The following CDH10 variants were observed in gnomAD, a reference collection of about 807,000 sequenced individuals.
CDH10 encodes the protein cadherin 10.
Under a neutral mutation model 73.1 loss-of-function variants are expected in CDH10, and 30 were observed. That is an observed-to-expected ratio of 0.41 (90% CI 0.31 to 0.56). The LOEUF is 0.56. CDH10 is among the 20% of genes least tolerant of loss of function. The pLI is 0.27. For missense variants in CDH10, 815 were observed against 973.7 expected (o/e 0.84, Z 2.17); for synonymous variants, 345 against 348.2 (o/e 0.99, Z 0.10).
chr5:24,636,452 A>G (rs1333056745), intron 1 of CDH10, among the ~76,000 whole-genome samples: 4 of 151,900 alleles, frequency 2.6e-5, no homozygotes, highest in Non-Finnish European at 4.4e-5. Context: ...ATTAAACATG[A>G]CCTTCCTCTG....
intron 1 of CDH10, among the ~76,000 whole-genome samples, chr5:24,605,253 G>A (rs1431643562): frequency 2.0e-5 from 3 of 152,182 alleles, no homozygotes; most frequent in Non-Finnish European, 4.4e-5. Context: ...TATAGTATAG[G>A]TCTATGACCT....
intron 3 of CDH10, 116 bp downstream of exon 3, chr5:24,537,264 G>A: frequency 1.5e-6 from 1 of 666,136 alleles, no homozygotes; most frequent in Non-Finnish European, 2.5e-6. Flanking sequence ...AAATAAATAT[G>A]TACTCATGGT....
At chr5:24,509,908 T>C in intron 6 of CDH10, 89 bp from the exon 7 acceptor site, 1 of 922,724 alleles carries the variant, frequency 1.1e-6, no homozygotes, top group Non-Finnish European at 1.7e-6. Flanking sequence ...TAAGTTGTGG[T>C]TGAGTTCTCT....
rs1259117191 is a variant in CDH10 at position 24,569,002 on chromosome 5, C to A, written c.231+24258G>T. On this transcript the variant is annotated intron_variant, in intron 2 of 11. Transcript: ENST00000264463. Reference sequence around the variant, plus strand: ...GCAGGCACCTGTAATCCCAGCTACTCGGGAGGCTCAGGCAGGAGAATGGCA... The same window carrying A: ...GCAGGCACCTGTAATCCCAGCTACTAGGGAGGCTCAGGCAGGAGAATGGCA... Among the ~76,000 whole-genome samples, 3 of 151,710 alleles carry A rather than the reference C, an allele frequency of 2.0e-5. No homozygotes were observed. In the South Asian group the frequency reaches 6.2e-4, roughly 32 times the overall value.
At chr5:24,590,285 A>AT (rs1006389260) in intron 2 of CDH10, among the ~76,000 whole-genome samples, 26 of 149,132 alleles carry the variant, frequency 1.7e-4, no homozygotes, top group Middle Eastern at 3.5e-3. Context: ...CCTCCTCTTA[A>AT]TTTTTTTTTT....
intron 5 of CDH10, 151 bp downstream of exon 5, chr5:24,534,961 T>G (rs769787385): frequency 3.0e-6 from 2 of 677,716 alleles, no homozygotes; most frequent in Non-Finnish European, 4.9e-6. Context: ...TTCATCAGCA[T>G]GTACACCTTT....
intron 2 of CDH10, among the ~76,000 whole-genome samples, chr5:24,561,410 C>G (rs1017026673): frequency 1.3e-5 from 2 of 152,000 alleles, no homozygotes; most frequent in Middle Eastern, 6.8e-3. Context: ...TGAGAAGAGG[C>G]AAAAGACAAT....
At chr5:24,519,347 C>CATCAA (rs1743227538) in intron 5 of CDH10, among the ~76,000 whole-genome samples, 1 of 151,318 alleles carries the variant, frequency 6.6e-6, no homozygotes, top group Non-Finnish European at 1.5e-5. Flanking sequence ...ATTTCTAAAA[C>CATCAA]AACAAAATTT....
chr5:24,543,379 A>G (rs1213892595), intron 2 of CDH10, among the ~76,000 whole-genome samples: 1 of 152,200 alleles, frequency 6.6e-6, no homozygotes, highest in African/African-American at 2.4e-5. Context: ...AGAAAGATAA[A>G]TTTCGATGAA....
rs1264564263 is a variant in CDH10 at position 24,644,967 on chromosome 5, C to G, written c.-497G>C. 6.6e-6 allele frequency: 1 copy of G among 152,014 alleles called. No individual in the cohort carries two copies. The highest frequency in any genetic ancestry group is 2.4e-5 in the African/African-American group (1 of 41,402). The allele number at this position is 152,014 out of a possible 1,614,324, so 9.4% of individuals were successfully genotyped here. ...AGTGCTGGCTTCTGCGAGCACACAG[C>G]GATTTGCAAGTGAATGCGAGGGGAG... On this transcript the variant is annotated 5_prime_UTR_variant, in exon 1 of 12. Coordinates refer to ENST00000264463, the MANE Select transcript of CDH10 (RefSeq NM_006727.5).
At chr5:24,512,899 GTCACT>G (rs34110810) in intron 5 of CDH10, among the ~76,000 whole-genome samples, 72,386 of 151,648 alleles carry the variant, frequency 0.48, 17,363 homozygotes, top group East Asian at 0.58. Context: ...TTTGCATTTA[GTCACT>G]TCCATGAAAG....
chr5:24,559,695 G>A (rs1438683204), intron 2 of CDH10, among the ~76,000 whole-genome samples: 1 of 152,010 alleles, frequency 6.6e-6, no homozygotes, highest in Non-Finnish European at 1.5e-5. Flanking sequence ...TAATTCATAA[G>A]TTTTTAATTA....
intron 1 of CDH10, among the ~76,000 whole-genome samples, chr5:24,603,356 G>A (rs1228915885): frequency 3.3e-5 from 5 of 152,050 alleles, no homozygotes; most frequent in Admixed American, 2.6e-4. Flanking sequence ...ACACCAAAAC[G>A]ATAAAACATT....
At chr5:24,566,054 T>C (rs761262718) in intron 2 of CDH10, among the ~76,000 whole-genome samples, 219 of 152,208 alleles carry the variant, frequency 1.4e-3, no homozygotes, top group Non-Finnish European at 2.5e-3. Context: ...GTTTTTTGTT[T>C]TGTTTTGTTT....
At chr5:24,488,297 G>T in intron 11 of CDH10, 144 bp from the exon 12 acceptor site, 1 of 715,536 alleles carries the variant, frequency 1.4e-6, no homozygotes. Context: ...CCCACAGTTT[G>T]GGGGAGGTGT....
chr5:24,532,326 C>A (rs1743782471), intron 5 of CDH10, among the ~76,000 whole-genome samples: 1 of 151,992 alleles, frequency 6.6e-6, no homozygotes, highest in Non-Finnish European at 1.5e-5. Flanking sequence ...ACACTAAATT[C>A]CAGCCACTGA....
chr5:24,590,850 A>G (rs75322681), intron 2 of CDH10, among the ~76,000 whole-genome samples: 2,845 of 152,100 alleles, frequency 0.019, 92 homozygotes, highest in African/African-American at 0.065. Context: ...CCATGTTTCC[A>G]TATGTCTAGT....
chr5:24,535,061 T>C (rs552941307), intron 5 of CDH10, 51 bp downstream of exon 5: 1 of 1,459,648 alleles, frequency 6.9e-7, no homozygotes, highest in Non-Finnish European at 9.2e-7. Context: ...TGTCTGTCTT[T>C]TTTTACTCTA....
At chr5:24,629,994 A>G (rs1347759958) in intron 1 of CDH10, among the ~76,000 whole-genome samples, 1 of 152,158 alleles carries the variant, frequency 6.6e-6, no homozygotes, top group Non-Finnish European at 1.5e-5. Context: ...AATGCAAACC[A>G]TAATATATGT....
Sources: gnomAD v4.1 joint callset for allele counts (sites outside exome capture counted in the v4.1 genomes callset) on GRCh38, gnomAD v4.1.1 for gene constraint, MANE v1.5 for transcripts, NCBI Gene and HGNC (gene_info 2026-07-23, HGNC 2026-07-21) for gene names.